Variants in GRID2 observed in about 807,000 individuals in gnomAD.
GRID2 encodes the protein glutamate ionotropic receptor delta type subunit 2, also known as glutamate receptor ionotropic, delta-2.
In GRID2, 33 loss-of-function variants were observed where a neutral mutation model predicts 114.8. That is an observed-to-expected ratio of 0.29 (90% CI 0.22 to 0.38). The LOEUF (loss-of-function observed/expected upper bound fraction) is 0.38. GRID2 is among the 10% of genes least tolerant of loss of function. The probability of loss-of-function intolerance (pLI) is 1.00; values close to 1 mark genes in which losing one functional copy is unlikely to be tolerated. For missense variants in GRID2, 1,184 were observed against 1,257.7 expected, an observed-to-expected ratio of 0.94 and a Z score of 0.89; for synonymous variants, 505 against 449.9, an observed-to-expected ratio of 1.12 and a Z score of -1.55.
At chr4:93,677,342 T>C (rs544917448) in intron 14 of GRID2, among the ~76,000 whole-genome samples, 22 of 152,284 alleles carry the variant, frequency 1.4e-4, no homozygotes, top group Non-Finnish European at 2.8e-4. Context: ...GCTCCACCTC[T>C]GGGGGCAGGG....
chr4:92,764,630 A>T (rs1290580345), intron 2 of GRID2, among the ~76,000 whole-genome samples: 1 of 152,218 alleles, frequency 6.6e-6, no homozygotes, highest in Non-Finnish European at 1.5e-5. Context: ...TTTTTATAGA[A>T]CTTAACACAA....
At chr4:93,497,852 G>A (rs1479699812) in intron 12 of GRID2, among the ~76,000 whole-genome samples, 1 of 151,670 alleles carries the variant, frequency 6.6e-6, no homozygotes, top group Non-Finnish European at 1.5e-5. Flanking sequence ...GAATAATCTT[G>A]TCTATATCTA....
At chr4:93,583,255 G>C (rs1396382643) in intron 13 of GRID2, among the ~76,000 whole-genome samples, 1 of 149,890 alleles carries the variant, frequency 6.7e-6, no homozygotes, top group Non-Finnish European at 1.5e-5. Flanking sequence ...TGAATTTCGA[G>C]GGGGGCACTA....
intron 1 of GRID2, among the ~76,000 whole-genome samples, chr4:93,796,632 C>T (rs1171258379): frequency 6.6e-6 from 1 of 152,216 alleles, no homozygotes; most frequent in Non-Finnish European, 1.5e-5. Flanking sequence ...CAACCTCCAC[C>T]TCCCGAGTTC....
chr4:93,540,741 A>C (rs911352142), intron 13 of GRID2, among the ~76,000 whole-genome samples: 1 of 152,240 alleles, frequency 6.6e-6, no homozygotes, highest in African/African-American at 2.4e-5. Flanking sequence ...TGGAAAGCAC[A>C]CAATCTGTCC....
chr4:93,688,715 T>TTA (rs61128025), intron 14 of GRID2, among the ~76,000 whole-genome samples: 5,888 of 152,116 alleles, frequency 0.039, 370 homozygotes, highest in African/African-American at 0.13. Flanking sequence ...GGCCCTCTTA[T>TTA]AAGTACTTGT....
chr4:93,322,804 G>T (rs1228488528), intron 8 of GRID2, among the ~76,000 whole-genome samples: 3 of 152,172 alleles, frequency 2.0e-5, no homozygotes, highest in Admixed American at 2.0e-4. Context: ...CAGTGATGAT[G>T]AGCATTTTTT....
intron 11 of GRID2, among the ~76,000 whole-genome samples, chr4:93,460,920 T>A (rs1374681054): frequency 6.6e-6 from 1 of 152,178 alleles, no homozygotes; most frequent in African/African-American, 2.4e-5. Context: ...TCCTCTTGGT[T>A]GAAGCCTCAT....
rs538691126 is a variant in GRID2, at chr4:92,619,923, G to C, written c.244+29637G>C. Among the ~76,000 whole-genome samples, 124 of 151,722 alleles carry C rather than the reference G, an allele frequency of 8.2e-4. 1 individual carries two copies. The highest frequency in any genetic ancestry group is 1.5e-3 in the Non-Finnish European group (100 of 67,802). On this transcript the variant is annotated intron_variant, in intron 2 of 15. Coordinates refer to ENST00000282020, the MANE Select transcript of GRID2 (RefSeq NM_001510.4). The stretch of plus-strand genomic sequence containing the variant: ...TTTTTTTTCCCCCACAGGAGGGATA[G>C]AGAAATTTAGACCATGTGATTCAGT...
At chr4:92,308,140 A>G (rs1725510533) in intron 1 of GRID2, among the ~76,000 whole-genome samples, 1 of 152,152 alleles carries the variant, frequency 6.6e-6, no homozygotes, top group Non-Finnish European at 1.5e-5. Context: ...TTTACTCCCT[A>G]AACACAACAG....
chr4:93,579,882 T>C (rs1736790425), intron 13 of GRID2, among the ~76,000 whole-genome samples: 1 of 152,174 alleles, frequency 6.6e-6, no homozygotes, highest in African/African-American at 2.4e-5. Context: ...AACCAAAGAC[T>C]GAGTGATCAG....
intron 2 of GRID2, among the ~76,000 whole-genome samples, chr4:92,909,170 C>T (rs1181509803): frequency 6.6e-6 from 1 of 151,684 alleles, no homozygotes; most frequent in African/African-American, 2.4e-5. Flanking sequence ...CCTAATCTAG[C>T]CATATATACA....
intron 8 of GRID2, among the ~76,000 whole-genome samples, chr4:93,309,185 C>T (rs1287367007): frequency 2.0e-5 from 3 of 152,248 alleles, no homozygotes; most frequent in African/African-American, 7.2e-5. Flanking sequence ...ACTGTTGTTT[C>T]CTCACCTCCT....
intron 1 of GRID2, among the ~76,000 whole-genome samples, chr4:93,797,744 TA>T (rs1734831924): frequency 6.6e-6 from 1 of 150,506 alleles, no homozygotes; most frequent in Non-Finnish European, 1.5e-5. Context: ...GGTAAAAACT[TA>T]ATCAGAGAGA....
intron 14 of GRID2, among the ~76,000 whole-genome samples, chr4:93,766,996 A>G (rs955899545): frequency 7.9e-5 from 12 of 152,314 alleles, no homozygotes; most frequent in African/African-American, 2.6e-4. Flanking sequence ...CAGGAAAGTA[A>G]TTTTGATACC....
intron 4 of GRID2, among the ~76,000 whole-genome samples, chr4:93,121,934 A>G (rs1733817220): frequency 6.6e-6 from 1 of 152,066 alleles, no homozygotes; most frequent in Non-Finnish European, 1.5e-5. Context: ...TCTTTTATGG[A>G]GTGCCTGTTG....
chr4:93,134,139 G>T (rs964861420), intron 4 of GRID2, among the ~76,000 whole-genome samples: 4 of 152,098 alleles, frequency 2.6e-5, no homozygotes, highest in African/African-American at 7.2e-5. Flanking sequence ...TAGGCTGGAA[G>T]TCATTGAAAA....
chr4:92,723,832 T>G (rs1279916149), intron 2 of GRID2, among the ~76,000 whole-genome samples: 1 of 152,156 alleles, frequency 6.6e-6, no homozygotes, highest in African/African-American at 2.4e-5. Context: ...CCTCTCACAT[T>G]ACAACAAAGT....
intron 2 of GRID2, among the ~76,000 whole-genome samples, chr4:92,975,156 C>CAAGAAAAAAAAAAAAA (rs1753785052): frequency 4.3e-5 from 2 of 46,692 alleles, no homozygotes; most frequent in Admixed American, 3.6e-4. Flanking sequence ...GATTCCGCCT[C>CAAGAAAAAAAAAAAAA]AAAAAAAAAA....
Sources: gnomAD v4.1 joint callset for allele counts (sites outside exome capture counted in the v4.1 genomes callset) on GRCh38, gnomAD v4.1.1 for gene constraint, MANE v1.5 for transcripts, NCBI Gene and HGNC (gene_info 2026-07-23, HGNC 2026-07-21) for gene names.